NCAPD2: variants seen among roughly 807,000 people sequenced by gnomAD.
NCAPD2 encodes the protein condensin complex subunit 1.
Under a neutral mutation model 164.5 loss-of-function variants are expected in NCAPD2, and 100 were observed. The ratio of observed to expected loss-of-function variants is 0.61; its 90% CI spans 0.52 to 0.72. NCAPD2 has a LOEUF of 0.72. NCAPD2 is among the 30% of genes least tolerant of loss of function. The pLI is 0.00. For synonymous variants in NCAPD2, 585 were observed against 642.6 expected, an observed-to-expected ratio of 0.91 and a Z score of 1.36; for missense variants, 1,560 against 1,749.2, an observed-to-expected ratio of 0.89 and a Z score of 1.93.
chr12:6,512,290 A>ATG (rs1946157503), intron 6 of NCAPD2, among the ~76,000 whole-genome samples: 1 of 142,982 alleles, frequency 7.0e-6, no homozygotes. Flanking sequence ...AAAAAAAAAA[A>ATG]AAAGATAGAT....
At position 6,517,036 on chromosome 12, in the gene NCAPD2, T is replaced by C. The variant is rs2137051645; in HGVS notation, c.1185+11T>C. Reference sequence around the variant, plus strand: ...ATTGTCCAGCAGAAGGTAACCAACTTCTATGTGGCAAAAACATATGGTACC... The same window carrying C: ...ATTGTCCAGCAGAAGGTAACCAACTCCTATGTGGCAAAAACATATGGTACC... On this transcript the variant is annotated intron_variant, in intron 10 of 31. Coordinates refer to ENST00000315579, the MANE Select transcript of NCAPD2 (RefSeq NM_014865.4). The C allele has an allele frequency of 6.2e-7, 1 of 1,613,884 alleles. No homozygotes were observed. The highest frequency in any genetic ancestry group is 8.5e-7 in the Non-Finnish European group (1 of 1,179,774).
intron 17 of NCAPD2, among the ~76,000 whole-genome samples, chr12:6,525,273 G>A (rs1301024214): frequency 1.3e-5 from 2 of 152,200 alleles, no homozygotes; most frequent in Non-Finnish European, 2.9e-5. Context: ...TGGACATGTT[G>A]AGTTTGTGGT....
rs751795422 is a variant in NCAPD2, at chr12:6,529,498, C to T, written c.3573-15C>T. 6.8e-6 allele frequency: 11 copies of T among 1,612,334 alleles called. No homozygotes were observed. Among genetic ancestry groups the T allele is most frequent in the Admixed American group, 1.7e-5 (1 of 60,000 alleles). On this transcript the variant is annotated splice_polypyrimidine_tract_variant and intron_variant, in intron 27 of 31. Transcript: ENST00000315579. ...GCCCTGGGCCATCGAACATCCTCATCTCCCCTTCCTGCAGACAGCTCCTCT... is the reference window on the plus strand; with the variant it reads ...GCCCTGGGCCATCGAACATCCTCATTTCCCCTTCCTGCAGACAGCTCCTCT...
At chr12:6,518,520 T>TTTTGTTTTTTTTTTG (rs1565544193) in intron 13 of NCAPD2, among the ~76,000 whole-genome samples, 10 of 114,014 alleles carry the variant, frequency 8.8e-5, no homozygotes, top group African/African-American at 3.8e-4. Flanking sequence ...TTTTTTTTTT[T>TTTTGTTTTTTTTTTG]TTTTTTTTTT....
At chr12:6,511,047 T>TG in intron 5 of NCAPD2, 63 bp from the exon 6 acceptor site, 2 of 1,558,974 alleles carry the variant, frequency 1.3e-6, no homozygotes, top group Non-Finnish European at 1.8e-6. Context: ...GCACTCAGAC[T>TG]GACAGATCTT....
Position 6,528,949 on chromosome 12 carries a change from A to G in NCAPD2, c.3482A>G (p.Asn1161Ser). 2 of 1,614,142 alleles carry G rather than the reference A, an allele frequency of 1.2e-6. No individual in the cohort carries two copies. The highest frequency in any genetic ancestry group is 1.7e-6 in the Non-Finnish European group (2 of 1,180,018). The change falls in exon 27 of 32, where the codon AAC (asparagine) becomes AGC (serine). Residue 1161 changes from asparagine to serine, a missense_variant. Transcript: ENST00000315579. The surrounding 1 kb of genome is among the most constrained non-coding windows in gnomAD (Gnocchi z 5.1). ...ATGGCTCTCTCTGTCTTACAGGGCA[A>G]CGCAATCTATAATCTCCTTCCAGAT... is the stretch of plus-strand genomic sequence containing the variant. ...NFFNELSHKG[N>S]AIYNLLPDII...
chr12:6,505,535 A>T (rs555734454), intron 2 of NCAPD2, among the ~76,000 whole-genome samples: 1 of 152,344 alleles, frequency 6.6e-6, no homozygotes, highest in East Asian at 1.9e-4. Context: ...TTATGCAGTT[A>T]TGATTTAATA....
Position 6,529,493 on chromosome 12 carries a change from C to G in NCAPD2, c.3573-20C>G. ...AGCTGGCCCTGGGCCATCGAACATC[C>G]TCATCTCCCCTTCCTGCAGACAGCT... On this transcript the variant is annotated intron_variant, in intron 27 of 31. Transcript: ENST00000315579. 6.2e-7 allele frequency: 1 copy of G among 1,611,420 alleles called. No individual in the cohort carries two copies.
At chr12:6,508,321 G>A (rs1256026952) in intron 2 of NCAPD2, among the ~76,000 whole-genome samples, 3 of 152,114 alleles carry the variant, frequency 2.0e-5, no homozygotes, top group South Asian at 2.1e-4. Flanking sequence ...GGGCAACAAA[G>A]CAAGACCCTA....
chr12:6,504,350 A>G (rs1451946612), intron 2 of NCAPD2, among the ~76,000 whole-genome samples: 3 of 151,234 alleles, frequency 2.0e-5, no homozygotes, highest in Non-Finnish European at 4.4e-5. Flanking sequence ...CTTATAGCCT[A>G]CTGTTGACCA....
intron 17 of NCAPD2, among the ~76,000 whole-genome samples, chr12:6,525,318 T>TA (rs1946305935): frequency 6.6e-6 from 1 of 152,152 alleles, no homozygotes; most frequent in African/African-American, 2.4e-5. Context: ...TCTCCAGACT[T>TA]AGAACTATGG....
At chr12:6,498,028 G>C (rs1347846898) in intron 2 of NCAPD2, among the ~76,000 whole-genome samples, 2 of 151,974 alleles carry the variant, frequency 1.3e-5, no homozygotes, top group Non-Finnish European at 2.9e-5. Context: ...CTCGGGCTCA[G>C]CCGCCCGAGT....
At position 6,511,123 on chromosome 12, in the gene NCAPD2, G is replaced by A. The variant is rs566781375; in HGVS notation, c.458G>A (p.Arg153Gln). Residue 153 changes from arginine to glutamine, a missense_variant, in exon 6 of 32, where the codon CGG (arginine) becomes CAG (glutamine). Coordinates refer to ENST00000315579, the MANE Select transcript of NCAPD2 (RefSeq NM_014865.4). ...GATCCTTTTTAGGGTAAGAAAGCTC[G>A]GACCAAGGCAGCCCATGGCTTTGAC... Reference protein sequence around the residue: ...LDLGGKGKKARTKAAHGFDWE... With the variant: ...LDLGGKGKKAQTKAAHGFDWE... 192 of 1,613,844 alleles carry A rather than the reference G, an allele frequency of 1.2e-4. 1 individual carries two copies. In the South Asian group the frequency reaches 1.9e-3, roughly 16 times the overall value.
intron 10 of NCAPD2, 110 bp from the exon 11 acceptor site, chr12:6,517,255 G>A (rs899289050): frequency 3.5e-5 from 51 of 1,475,124 alleles, no homozygotes; most frequent in Non-Finnish European, 4.4e-5. Flanking sequence ...TCTGTAGAAA[G>A]GGTTTTTAGA....
At chr12:6,494,978 A>G in intron 1 of NCAPD2, 98 bp from the exon 2 acceptor site, 1 of 1,255,968 alleles carries the variant, frequency 8.0e-7, no homozygotes, top group Non-Finnish European at 1.1e-6. Context: ...TATAAAACTA[A>G]AAGCCATTAT....
Position 6,528,415 on chromosome 12 carries a change from C to G in NCAPD2, c.3299+87C>G. On this transcript the variant is annotated intron_variant, in intron 25 of 31. Transcript: ENST00000315579. This position sits in a 1 kb window ranked among gnomAD's most constrained non-coding sequence, Gnocchi z 5.1. ...GTGTGAGAATCACCAGGGCTCTTCC[C>G]CTAGGCTTTGGCATCACCGCGAACA... 1 of 1,561,460 alleles carries G rather than the reference C, an allele frequency of 6.4e-7. No individual in the cohort carries two copies.
chr12:6,529,393 C>T, intron 27 of NCAPD2, 120 bp from the exon 28 acceptor site: 1 of 904,630 alleles, frequency 1.1e-6, no homozygotes, highest in South Asian at 1.5e-5. Flanking sequence ...GTGAGGCAGA[C>T]AGGGGCCGTG....
At chr12:6,496,116 G>A (rs1371853222) in intron 2 of NCAPD2, among the ~76,000 whole-genome samples, 3 of 147,796 alleles carry the variant, frequency 2.0e-5, no homozygotes, top group Non-Finnish European at 4.4e-5. Flanking sequence ...GGAGTGCAGT[G>A]ATGCGATATC....
intron 13 of NCAPD2, among the ~76,000 whole-genome samples, chr12:6,518,504 G>GTTTTTTGTTTT (rs1946226490): frequency 2.7e-4 from 12 of 44,782 alleles, no homozygotes; most frequent in Middle Eastern, 0.013. Context: ...CCGTCAACAA[G>GTTTTTTGTTTT]TTTTTTTTTT....
Sources: allele counts gnomAD v4.1 joint callset (sites outside exome capture counted in the v4.1 genomes callset), GRCh38; gene constraint gnomAD v4.1.1; non-coding constraint Gnocchi (gnomAD v3.1); transcripts MANE v1.5; gene names NCBI Gene and HGNC (gene_info 2026-07-23, HGNC 2026-07-21).